Variants in RAB9B observed in about 807,000 individuals in gnomAD.
The protein encoded by RAB9B is RAB9B, member RAS oncogene family.
Under a neutral mutation model 8.9 loss-of-function variants are expected in RAB9B, and 1 was observed. The observed-to-expected ratio is 0.11, with a 90% CI of 0.04 to 0.53. The LOEUF (loss-of-function observed/expected upper bound fraction) is 0.53. Ranked by LOEUF, RAB9B falls within the 20% of genes least tolerant of loss-of-function variation. The pLI is 0.93. For missense variants in RAB9B, 82 were observed against 152.9 expected (o/e 0.54, Z 2.45); for synonymous variants, 63 against 57.0 (o/e 1.10, Z -0.47).
At chrX:103,803,510 C>T in the RAB9B span, among the ~76,000 whole-genome samples, 4 of 112,508 alleles carry the variant, frequency 3.6e-5, no homozygotes, top group Admixed American at 3.8e-4. Context: ...AGAGAAATGT[C>T]TATGAGATAT....
Position 103,825,795 on chromosome X carries a change from C to A in RAB9B, c.-11G>T, listed in dbSNP as rs773943520. On this transcript the variant is annotated 5_prime_UTR_variant, in exon 3 of 3. Coordinates refer to ENST00000243298, the MANE Select transcript of RAB9B (RefSeq NM_016370.4). ...GGATTTCCCACTCATTTTTGCAGCA[C>A]CAGAAGGGAAGGAGTTTGTAACCAA... is the stretch of plus-strand genomic sequence containing the variant. 2.3e-5 allele frequency: 26 copies of A among 1,149,553 alleles called. No individual in the cohort carries two copies. Among genetic ancestry groups the A allele is most frequent in the Non-Finnish European group, 3.0e-5 (26 of 864,700 alleles). 94.7% of individuals were successfully genotyped at this position (1,149,553 alleles called of 1,213,427 possible).
chrX:103,783,655 T>G, the RAB9B span, among the ~76,000 whole-genome samples: 3 of 112,054 alleles, frequency 2.7e-5, no homozygotes, highest in Non-Finnish European at 5.6e-5. Context: ...TGTAAATCAC[T>G]AGGTATTCAT....
chrX:103,781,204 G>T, the RAB9B span: 1 of 283,612 alleles, frequency 3.5e-6, no homozygotes, highest in African/African-American at 2.7e-5. Context: ...CTTGAGGCGG[G>T]CCCAGGGCAT....
At chrX:103,787,664 C>T in the RAB9B span, 12 of 575,543 alleles carry the variant, frequency 2.1e-5, no homozygotes, top group Non-Finnish European at 3.4e-5. Flanking sequence ...GCCCTGCTCA[C>T]TAATTTCATT....
At chrX:103,805,901 C>T in the RAB9B span, among the ~76,000 whole-genome samples, 12 of 110,854 alleles carry the variant, frequency 1.1e-4, no homozygotes, top group African/African-American at 3.9e-4. Context: ...TTCTCTATTG[C>T]TTTTCTATTC....
At chrX:103,819,940 A>T (rs922611299), downstream of RAB9B, among the ~76,000 whole-genome samples, 1 of 112,410 alleles carries the variant, frequency 8.9e-6, no homozygotes, top group Non-Finnish European at 1.9e-5. Context: ...CCCCAAGGTT[A>T]TGGCATTATA....
Position 103,825,010 on chromosome X carries a change from T to G in RAB9B, c.*169A>C. 1.9e-6 allele frequency: 1 copy of G among 530,702 alleles called. No homozygotes were observed. 43.7% of individuals were successfully genotyped at this position (530,702 alleles called of 1,213,427 possible). Reference sequence around the variant, plus strand: ...GATAGAGCTTCATTTTTTTTAATTTTTAATTTTTTTAAATCAATCTACACT... The same window carrying G: ...GATAGAGCTTCATTTTTTTTAATTTGTAATTTTTTTAAATCAATCTACACT... On this transcript the variant is annotated 3_prime_UTR_variant, in exon 3 of 3. Coordinates refer to ENST00000243298, the MANE Select transcript of RAB9B (RefSeq NM_016370.4).
the RAB9B span, among the ~76,000 whole-genome samples, chrX:103,812,561 C>A: frequency 8.9e-6 from 1 of 111,802 alleles, no homozygotes. Context: ...TAACGAAAAC[C>A]AACAACTCTG....
chrX:103,825,960 C>T (rs890429443), intron 2 of RAB9B, 134 bp from the exon 3 acceptor site: 1 of 447,749 alleles, frequency 2.2e-6, no homozygotes, highest in African/African-American at 2.5e-5. Flanking sequence ...TGATGTAGTA[C>T]AGCAGAAGAA....
Position 103,825,222 on chromosome X carries a change from A to G in RAB9B, c.563T>C (p.Ile188Thr), listed in dbSNP as rs2074678899. 1 of 1,208,963 alleles carries G rather than the reference A, an allele frequency of 8.3e-7. No individual in the cohort carries two copies. The highest frequency in any genetic ancestry group is 1.1e-6 in the Non-Finnish European group (1 of 894,955). Residue 188 changes from isoleucine to threonine, a missense_variant, in exon 3 of 3, where the codon ATT becomes ACT. Coordinates refer to ENST00000243298, the MANE Select transcript of RAB9B (RefSeq NM_016370.4). ...TGCTTTGGAGCCACTGTTCAAGTCA[A>G]TGGTGTGACCCAACATGCAATGCTC... ...QLEHCMLGHT[I>T]DLNSGSKAGS...
chrX:103,786,256 G>T, the RAB9B span: 264 of 1,128,252 alleles, frequency 2.3e-4, 2 homozygotes, highest in East Asian at 8.0e-3. Flanking sequence ...GGCGGGAGGG[G>T]CATATGTTTC....
the RAB9B span, among the ~76,000 whole-genome samples, chrX:103,803,005 T>C: frequency 8.9e-6 from 1 of 112,248 alleles, no homozygotes; most frequent in Non-Finnish European, 1.9e-5. Flanking sequence ...ATCAGTACTT[T>C]GTTCCATTTT....
At chrX:103,796,026 T>A in the RAB9B span, among the ~76,000 whole-genome samples, 301 of 112,456 alleles carry the variant, frequency 2.7e-3, 1 homozygote, top group African/African-American at 9.2e-3. Context: ...CAAAGCCAGG[T>A]AATATATGGG....
intron 1 of RAB9B, among the ~76,000 whole-genome samples, chrX:103,830,804 G>A (rs1473576469): frequency 9.0e-6 from 1 of 111,651 alleles, no homozygotes; most frequent in Non-Finnish European, 1.9e-5. Context: ...GGAGGAGGCA[G>A]TACAATGAAG....
At chrX:103,807,343 T>A in the RAB9B span, among the ~76,000 whole-genome samples, 11 of 111,549 alleles carry the variant, frequency 9.9e-5, no homozygotes, top group African/African-American at 2.9e-4. Flanking sequence ...ATCTATCTCC[T>A]CACTGCCGTC....
At chrX:103,798,752 C>T in the RAB9B span, among the ~76,000 whole-genome samples, 1 of 107,810 alleles carries the variant, frequency 9.3e-6, no homozygotes, top group Non-Finnish European at 1.9e-5. Flanking sequence ...AAACAATTCT[C>T]CTGCCTCAGT....
the RAB9B span, among the ~76,000 whole-genome samples, chrX:103,793,582 T>C: frequency 8.9e-6 from 1 of 112,162 alleles, no homozygotes; most frequent in East Asian, 2.8e-4. Flanking sequence ...CACCATATTT[T>C]GGAGAATTGA....
intron 1 of RAB9B, among the ~76,000 whole-genome samples, chrX:103,828,017 T>G (rs1469364987): frequency 8.9e-6 from 1 of 111,978 alleles, no homozygotes; most frequent in Non-Finnish European, 1.9e-5. Flanking sequence ...GTTATTAAAT[T>G]TAAATATACA....
the RAB9B span, among the ~76,000 whole-genome samples, chrX:103,784,836 T>C: frequency 8.9e-6 from 1 of 112,142 alleles, no homozygotes; most frequent in South Asian, 3.7e-4. Context: ...GCAGAGTCTG[T>C]GTCTTTTCTC....
Sources: gnomAD v4.1 joint callset for allele counts (sites outside exome capture counted in the v4.1 genomes callset) on GRCh38, gnomAD v4.1.1 for gene constraint, MANE v1.5 for transcripts, NCBI Gene and HGNC (gene_info 2026-07-23, HGNC 2026-07-21) for gene names.